Variants in SDK1 observed in about 807,000 individuals in gnomAD.
SDK1 encodes the protein protein sidekick-1.
In SDK1, 157 loss-of-function variants were observed where a neutral mutation model predicts 245.5. The ratio of observed to expected loss-of-function variants is 0.64; its 90% confidence interval spans 0.56 to 0.73. SDK1 has a LOEUF of 0.73. SDK1 is among the 30% of genes least tolerant of loss of function. SDK1 has a pLI of 0.00. For synonymous variants in SDK1, 1,647 were observed against 1,278.5 expected, an observed-to-expected ratio of 1.29 and a Z score of -6.15; for missense variants, 3,583 against 3,002.3, an observed-to-expected ratio of 1.19 and a Z score of -4.52.
chr7:3,853,521 A>G (rs1000555850), intron 5 of SDK1, among the ~76,000 whole-genome samples: 1 of 152,204 alleles, frequency 6.6e-6, no homozygotes, highest in Non-Finnish European at 1.5e-5. Flanking sequence ...TAAGAGTTGT[A>G]TATCCCTTAT....
intron 5 of SDK1, among the ~76,000 whole-genome samples, chr7:3,928,886 T>C (rs1349810661): frequency 1.3e-5 from 2 of 152,252 alleles, no homozygotes; most frequent in Non-Finnish European, 2.9e-5. Flanking sequence ...CTGAGAGTCA[T>C]GCCCAGGTGG....
At chr7:3,338,543 G>A in intron 1 of SDK1, 1 of 394,604 alleles carries the variant, frequency 2.5e-6, no homozygotes, top group South Asian at 2.5e-5. Flanking sequence ...CACTTTGTGA[G>A]AAGCAGTGGA....
intron 13 of SDK1, among the ~76,000 whole-genome samples, chr7:3,982,891 A>G (rs371369714): frequency 8.5e-4 from 129 of 152,270 alleles, no homozygotes; most frequent in African/African-American, 2.9e-3. Context: ...CACAATATCA[A>G]TATTAACAGG....
chr7:3,733,511 C>G (rs761585715), intron 4 of SDK1, among the ~76,000 whole-genome samples: 1 of 152,122 alleles, frequency 6.6e-6, no homozygotes, highest in Non-Finnish European at 1.5e-5. Context: ...TCTGGAGGTC[C>G]GAGTGCTGAG....
At chr7:4,028,166 A>T (rs1317656714) in intron 17 of SDK1, among the ~76,000 whole-genome samples, 2 of 152,176 alleles carry the variant, frequency 1.3e-5, no homozygotes, top group Non-Finnish European at 2.9e-5. Context: ...GCCTTACTCC[A>T]GACCCACTGA....
At chr7:3,996,391 A>C (rs1457532335) in intron 14 of SDK1, among the ~76,000 whole-genome samples, 1 of 152,188 alleles carries the variant, frequency 6.6e-6, no homozygotes, top group East Asian at 1.9e-4. Flanking sequence ...AAAAAACTGA[A>C]ATTATTTTGT....
intron 1 of SDK1, among the ~76,000 whole-genome samples, chr7:3,474,049 CCTGTCCCTTTACCTGTCAACTTGA>C (rs367955466): frequency 2.7e-5 from 4 of 147,236 alleles, no homozygotes; most frequent in Middle Eastern, 3.7e-3. Context: ...GTATCATGCG[CCTGTCCCTTTACCTGTCAACTTGA>C]CATCTCTACC....
intron 4 of SDK1, among the ~76,000 whole-genome samples, chr7:3,770,307 A>G (rs1780373061): frequency 6.6e-6 from 1 of 152,140 alleles, no homozygotes; most frequent in Non-Finnish European, 1.5e-5. Flanking sequence ...ATTCATTTGT[A>G]TTGCTAAGTA....
chr7:3,576,397 T>C (rs116397422), intron 1 of SDK1, among the ~76,000 whole-genome samples: 3,249 of 152,138 alleles, frequency 0.021, 130 homozygotes, highest in African/African-American at 0.074. Context: ...TGTTACCTGG[T>C]TAGAGAAAGC....
intron 1 of SDK1, among the ~76,000 whole-genome samples, chr7:3,542,649 T>C (rs1224487552): frequency 6.6e-6 from 1 of 152,216 alleles, no homozygotes; most frequent in Non-Finnish European, 1.5e-5. Flanking sequence ...GTTAAAAATA[T>C]TTTAATATCT....
At chr7:4,236,460 G>C (rs1786175464) in intron 41 of SDK1, among the ~76,000 whole-genome samples, 1 of 152,144 alleles carries the variant, frequency 6.6e-6, no homozygotes, top group South Asian at 2.1e-4. Flanking sequence ...CGTTCAGCTT[G>C]GTTTTGCTAG....
At chr7:3,436,235 TG>T (rs2128586546) in intron 1 of SDK1, among the ~76,000 whole-genome samples, 1 of 152,212 alleles carries the variant, frequency 6.6e-6, no homozygotes, top group Admixed American at 6.5e-5. Context: ...TGCATTTCAG[TG>T]GTATTTTATG....
intron 4 of SDK1, among the ~76,000 whole-genome samples, chr7:3,750,347 C>G (rs1401928093): frequency 1.3e-5 from 2 of 152,188 alleles, no homozygotes; most frequent in African/African-American, 4.8e-5. Context: ...ATCCTGTGCT[C>G]AATCCACAAG....
intron 5 of SDK1, among the ~76,000 whole-genome samples, chr7:3,944,651 A>G (rs1274849364): frequency 2.0e-5 from 3 of 152,242 alleles, no homozygotes; most frequent in African/African-American, 2.4e-5. Context: ...TTTTGGTAGA[A>G]AAGCCATCAT....
chr7:4,054,095 C>G (rs989156258), intron 19 of SDK1, among the ~76,000 whole-genome samples: 3 of 150,974 alleles, frequency 2.0e-5, no homozygotes, highest in Non-Finnish European at 4.4e-5. Flanking sequence ...CCGGCCACCA[C>G]GTCTGGCCAA....
chr7:3,734,698 T>C (rs946426105), intron 4 of SDK1, among the ~76,000 whole-genome samples: 3 of 152,256 alleles, frequency 2.0e-5, no homozygotes, highest in Non-Finnish European at 4.4e-5. Context: ...AAATTATTTT[T>C]GTGATGTATG....
chr7:3,724,749 A>C (rs1778959491), intron 4 of SDK1, among the ~76,000 whole-genome samples: 1 of 152,168 alleles, frequency 6.6e-6, no homozygotes, highest in South Asian at 2.1e-4. Context: ...GCTCGCCTGC[A>C]GTCAGCTTTC....
chr7:3,667,719 C>T (rs1783577583), intron 4 of SDK1, among the ~76,000 whole-genome samples: 1 of 152,162 alleles, frequency 6.6e-6, no homozygotes, highest in African/African-American at 2.4e-5. Context: ...TTGAATCTGG[C>T]TTGTTTCAGT....
rs1050309597 is a variant in SDK1 at position 4,050,132 on chromosome 7, T to C, written c.2718+669T>C. 6.6e-5 allele frequency among the ~76,000 whole-genome samples: 10 copies of C among 152,214 alleles called. No homozygotes were observed. The East Asian group carries it at 1.7e-3, about 26-fold the overall frequency. On this transcript the variant is annotated intron_variant, in intron 18 of 44. Coordinates refer to ENST00000404826, the MANE Select transcript of SDK1 (RefSeq NM_152744.4). ...TTAGCTACAATAGGTCCACTAATCGTCTTTAATAGACGATGGACAGGGGAA... is the reference window on the plus strand; with the variant it reads ...TTAGCTACAATAGGTCCACTAATCGCCTTTAATAGACGATGGACAGGGGAA...
Sources: allele counts gnomAD v4.1 joint callset (sites outside exome capture counted in the v4.1 genomes callset), GRCh38; gene constraint gnomAD v4.1.1; transcripts MANE v1.5; gene names NCBI Gene and HGNC (gene_info 2026-07-23, HGNC 2026-07-21).